ZNF462: variants seen among roughly 807,000 people sequenced by gnomAD.
ZNF462 encodes zinc finger PBX1-interacting protein.
Under a neutral mutation model 201.9 loss-of-function variants are expected in ZNF462, and 10 were observed. That is an observed-to-expected ratio of 0.05 (90% CI 0.03 to 0.08). The LOEUF is 0.08. ZNF462 is among the 10% of genes least tolerant of loss of function. The pLI is 1.00. For missense variants in ZNF462, 2,523 were observed against 3,168.3 expected (o/e 0.80, Z 4.89); for synonymous variants, 1,227 against 1,193.3 (o/e 1.03, Z -0.58).
intron 10 of ZNF462, among the ~76,000 whole-genome samples, chr9:106,986,764 C>T (rs1330138492): frequency 2.6e-5 from 4 of 152,024 alleles, no homozygotes; most frequent in African/African-American, 9.7e-5. Context: ...ATCCCTTGCC[C>T]CCCTCCACCC....
chr9:106,879,855 A>G (rs189489066), intron 1 of ZNF462, among the ~76,000 whole-genome samples: 17 of 152,326 alleles, frequency 1.1e-4, no homozygotes, highest in Admixed American at 7.8e-4. Flanking sequence ...GAGCAAGTAC[A>G]TCATACCACT....
At chr9:106,862,044 C>T (rs1359542047), upstream of ZNF462, among the ~76,000 whole-genome samples, 1 of 152,130 alleles carries the variant, frequency 6.6e-6, no homozygotes, top group African/African-American at 2.4e-5. This position sits in a 1 kb window ranked among gnomAD's most constrained non-coding sequence, Gnocchi z 4.2. Context: ...GGTTCCGAAG[C>T]TCGGAATGAT....
At chr9:106,939,425 A>G (rs1232931268) in intron 7 of ZNF462, among the ~76,000 whole-genome samples, 1 of 152,208 alleles carries the variant, frequency 6.6e-6, no homozygotes, top group Admixed American at 6.5e-5. Flanking sequence ...CGAATACAGT[A>G]CCAGGCCAAT....
chr9:106,994,857 C>T (rs766575204), intron 10 of ZNF462, among the ~76,000 whole-genome samples: 1 of 152,134 alleles, frequency 6.6e-6, no homozygotes, highest in Non-Finnish European at 1.5e-5. Flanking sequence ...AGATTCAAAG[C>T]TTCCATAGAA....
In ZNF462 at chr9:106,876,610, C is replaced by G. The variant is rs182461751; in HGVS notation, c.-31+13255C>G. On this transcript the variant is annotated intron_variant, in intron 1 of 12. Coordinates refer to ENST00000277225, the MANE Select transcript of ZNF462 (RefSeq NM_021224.6). This position sits in a 1 kb window ranked among gnomAD's most constrained non-coding sequence, Gnocchi z 4.9. ...ATTCAGTAGGAGCTTGTAAACTACCCGAGAATGATGCCATTTCCTCTTGGA... is the reference window on the plus strand; with the variant it reads ...ATTCAGTAGGAGCTTGTAAACTACCGGAGAATGATGCCATTTCCTCTTGGA... 6.6e-6 allele frequency among the ~76,000 whole-genome samples: 1 copy of G among 152,150 alleles called. No homozygotes were observed. The highest frequency in any genetic ancestry group is 2.4e-5 in the African/African-American group (1 of 41,440).
intron 1 of ZNF462, among the ~76,000 whole-genome samples, chr9:106,871,694 A>G (rs1242965124): frequency 6.6e-6 from 1 of 152,246 alleles, no homozygotes; most frequent in Non-Finnish European, 1.5e-5. Flanking sequence ...TGGGGTTACA[A>G]TTACAGCCTT....
intron 1 of ZNF462, among the ~76,000 whole-genome samples, chr9:106,867,048 C>T (rs1158525823): frequency 2.6e-5 from 4 of 152,018 alleles, no homozygotes; most frequent in Admixed American, 6.5e-5. Flanking sequence ...AATGTGTTGG[C>T]GTCTTAGAGT....
intron 1 of ZNF462, among the ~76,000 whole-genome samples, chr9:106,893,682 T>C (rs1421034105): frequency 6.6e-6 from 1 of 152,222 alleles, no homozygotes; most frequent in Non-Finnish European, 1.5e-5. Context: ...CGGCAGGAAC[T>C]ATATTTTCTA....
At chr9:106,911,169 A>G (rs1829535149) in intron 1 of ZNF462, among the ~76,000 whole-genome samples, 9 of 152,228 alleles carry the variant, frequency 5.9e-5, no homozygotes, top group Admixed American at 5.9e-4. Context: ...TTTCAAGACC[A>G]GTAATTGTCT....
chr9:106,971,965 G>A (rs377293658), intron 7 of ZNF462, 40 bp from the exon 8 acceptor site: 28 of 1,586,894 alleles, frequency 1.8e-5, no homozygotes, highest in Non-Finnish European at 2.1e-5. Flanking sequence ...CACCTACTGT[G>A]TTCTCTGTGC....
chr9:106,944,721 C>T (rs1047403046), intron 7 of ZNF462, among the ~76,000 whole-genome samples: 17 of 152,172 alleles, frequency 1.1e-4, no homozygotes, highest in African/African-American at 4.1e-4. Flanking sequence ...AATGCCCTTC[C>T]CAGTCTCTAG....
At chr9:106,861,077 A>G (rs1034118226), upstream of ZNF462, among the ~76,000 whole-genome samples, 1 of 151,366 alleles carries the variant, frequency 6.6e-6, no homozygotes, top group Non-Finnish European at 1.5e-5. Flanking sequence ...CCGCACGCGT[A>G]GAGTGTCATT....
In ZNF462 at chr9:107,006,285, T is replaced by C. The variant is rs1463212327; in HGVS notation, c.7189+2859T>C. Among the ~76,000 whole-genome samples, 1 of 152,164 alleles carries C rather than the reference T, an allele frequency of 6.6e-6. No individual in the cohort carries two copies. Among genetic ancestry groups the C allele is most frequent in the Non-Finnish European group, 1.5e-5 (1 of 68,028 alleles). ...TAAGCCTGCAATGTAGGTGTTATTT[T>C]TGTGATTTCACAAATGGGAAAATAA... On this transcript the variant is annotated intron_variant, in intron 11 of 12. Transcript: ENST00000277225. This position sits in a 1 kb window ranked among gnomAD's most constrained non-coding sequence, Gnocchi z 4.3.
intron 1 of ZNF462, among the ~76,000 whole-genome samples, chr9:106,887,464 A>G (rs969175028): frequency 6.6e-6 from 1 of 152,230 alleles, no homozygotes; most frequent in Admixed American, 6.5e-5. Context: ...GACCATCAGT[A>G]TTCCAAGATA....
intron 1 of ZNF462, among the ~76,000 whole-genome samples, chr9:106,868,724 C>G (rs552355520): frequency 6.6e-6 from 1 of 152,260 alleles, no homozygotes; most frequent in African/African-American, 2.4e-5. Context: ...GTAACCGAGC[C>G]AGGCCTAGAA....
intron 1 of ZNF462, among the ~76,000 whole-genome samples, chr9:106,914,102 T>C (rs77601396): frequency 3.5e-4 from 52 of 149,776 alleles, no homozygotes; most frequent in African/African-American, 1.3e-3. Context: ...CTCATCATGA[T>C]ATCATATAGC....
chr9:106,986,607 C>T (rs570125995), intron 10 of ZNF462, among the ~76,000 whole-genome samples: 75 of 152,194 alleles, frequency 4.9e-4, no homozygotes, highest in Non-Finnish European at 7.6e-4. Flanking sequence ...ATCTTAGACA[C>T]GGTCTTTTTT....
Position 106,970,589 on chromosome 9 carries a change from T to G in ZNF462, c.6428-1416T>G, listed in dbSNP as rs1474992126. On this transcript the variant is annotated intron_variant, in intron 7 of 12. Transcript: ENST00000277225. The surrounding 1 kb of genome is among the most constrained non-coding windows in gnomAD (Gnocchi z 4.2). ...TACAGTTTCTATCCCCTTTCCCCCC[T>G]GCTTTTTGAAAGGCTTAAGAAAAGA... 6.6e-6 allele frequency among the ~76,000 whole-genome samples: 1 copy of G among 152,182 alleles called. No individual in the cohort carries two copies. The highest frequency in any genetic ancestry group is 2.4e-5 in the African/African-American group (1 of 41,448).
Position 106,955,726 on chromosome 9 carries a change from T to C in ZNF462, c.6428-16279T>C, listed in dbSNP as rs1393572885. 2.6e-5 allele frequency among the ~76,000 whole-genome samples: 4 copies of C among 152,342 alleles called. No individual in the cohort carries two copies. The East Asian group carries it at 7.7e-4, about 29-fold the overall frequency. On this transcript the variant is annotated intron_variant, in intron 7 of 12. Coordinates refer to ENST00000277225, the MANE Select transcript of ZNF462 (RefSeq NM_021224.6). ...CTTTATCAGCTAAGTTTATGAAATA[T>C]GCTAAATCCTTTGTTGTCATTTCAA...
Sources: gnomAD v4.1 joint callset for allele counts (sites outside exome capture counted in the v4.1 genomes callset) on GRCh38, gnomAD v4.1.1 for gene constraint, Gnocchi (gnomAD v3.1) non-coding constraint, MANE v1.5 for transcripts, NCBI Gene and HGNC (gene_info 2026-07-23, HGNC 2026-07-21) for gene names.